SPATA17: variants seen among roughly 807,000 people sequenced by gnomAD.
The protein encoded by SPATA17 is spermatogenesis-associated protein 17.
Under a neutral mutation model 62.2 loss-of-function variants are expected in SPATA17, and 53 were observed. The observed-to-expected ratio is 0.85, with a 90% confidence interval of 0.68 to 1.07. The LOEUF (loss-of-function observed/expected upper bound fraction) is 1.07, where lower values mean the gene tolerates loss of function less well. Ranked by LOEUF, SPATA17 falls within the 50% of genes least tolerant of loss-of-function variation. The pLI, the probability that SPATA17 is intolerant of heterozygous loss-of-function variation, is 0.00. For synonymous variants in SPATA17, 146 were observed against 146.8 expected, an observed-to-expected ratio of 0.99 and a Z score of 0.04; for missense variants, 466 against 425.5, an observed-to-expected ratio of 1.10 and a Z score of -0.84.
chr1:217,665,966 A>T (rs570705067), intron 3 of SPATA17, among the ~76,000 whole-genome samples: 4 of 152,176 alleles, frequency 2.6e-5, no homozygotes, highest in Admixed American at 6.5e-5. Flanking sequence ...ATCCTATCTG[A>T]TGTAAATGCA....
At chr1:217,863,609 G>C (rs1278693560) in intron 10 of SPATA17, among the ~76,000 whole-genome samples, 1 of 151,902 alleles carries the variant, frequency 6.6e-6, no homozygotes, top group African/African-American at 2.4e-5. Flanking sequence ...CAAAGAAATG[G>C]AATATAGAAT....
intron 3 of SPATA17, 123 bp downstream of exon 3, chr1:217,651,301 A>C: frequency 1.5e-6 from 1 of 677,434 alleles, no homozygotes. Flanking sequence ...TAAGGACAAA[A>C]TTGGGCTTAA....
chr1:217,851,160 CAATCAG>C (rs1456721279), intron 9 of SPATA17, among the ~76,000 whole-genome samples: 1 of 152,028 alleles, frequency 6.6e-6, no homozygotes, highest in African/African-American at 2.4e-5. Context: ...GTGTCAGCAG[CAATCAG>C]TTTATCTTAT....
chr1:217,632,224 A>C (rs139515920), intron 1 of SPATA17, among the ~76,000 whole-genome samples: 1 of 152,200 alleles, frequency 6.6e-6, no homozygotes, highest in African/African-American at 2.4e-5. Flanking sequence ...AAATAAAATG[A>C]AAGTGTCTAA....
chr1:217,767,945 T>C (rs2102967754), intron 6 of SPATA17, among the ~76,000 whole-genome samples: 1 of 152,294 alleles, frequency 6.6e-6, no homozygotes, highest in South Asian at 2.1e-4. Context: ...TTTCTGAATT[T>C]ACCTTTTAAA....
chr1:217,865,095 G>T (rs116315947), intron 10 of SPATA17, among the ~76,000 whole-genome samples: 16 of 152,248 alleles, frequency 1.1e-4, no homozygotes, highest in African/African-American at 3.4e-4. Context: ...AGCAGCCTTA[G>T]CTGAGGCTCT....
chr1:217,770,863 T>A (rs934882949), intron 6 of SPATA17, among the ~76,000 whole-genome samples: 1 of 152,002 alleles, frequency 6.6e-6, no homozygotes, highest in African/African-American at 2.4e-5. Context: ...ATGGTACGTT[T>A]GCTCGTTGCT....
At chr1:217,723,835 C>G (rs1672196439) in intron 5 of SPATA17, among the ~76,000 whole-genome samples, 1 of 152,150 alleles carries the variant, frequency 6.6e-6, no homozygotes, top group Middle Eastern at 3.2e-3. Flanking sequence ...TACTGCATAA[C>G]AGGAGTTAGA....
At chr1:217,824,736 A>G (rs1674947028) in intron 9 of SPATA17, among the ~76,000 whole-genome samples, 1 of 150,986 alleles carries the variant, frequency 6.6e-6, no homozygotes, top group Non-Finnish European at 1.5e-5. Flanking sequence ...AATTCATTAA[A>G]ATTAAGGAAA....
intron 5 of SPATA17, among the ~76,000 whole-genome samples, chr1:217,722,934 G>A (rs1558580072): frequency 6.6e-6 from 1 of 152,088 alleles, no homozygotes; most frequent in Non-Finnish European, 1.5e-5. Context: ...CAGTCATTGC[G>A]CACACTCATG....
chr1:217,634,991 C>G (rs1056221156), intron 1 of SPATA17, among the ~76,000 whole-genome samples: 4 of 151,980 alleles, frequency 2.6e-5, no homozygotes, highest in Non-Finnish European at 5.9e-5. Context: ...ATGAGATTTT[C>G]TTTGTGACTT....
chr1:217,803,289 G>A (rs1250673498), intron 9 of SPATA17, among the ~76,000 whole-genome samples: 1 of 152,082 alleles, frequency 6.6e-6, no homozygotes, highest in African/African-American at 2.4e-5. Context: ...GAGAAAGAAA[G>A]AAAAGGCATC....
At chr1:217,852,111 G>A (rs1486593517) in intron 9 of SPATA17, among the ~76,000 whole-genome samples, 2 of 152,096 alleles carry the variant, frequency 1.3e-5, no homozygotes, top group African/African-American at 2.4e-5. Context: ...CTTGGAGAAC[G>A]ATCACTTTTC....
At chr1:217,801,278 A>G (rs1040935820) in intron 8 of SPATA17, among the ~76,000 whole-genome samples, 6 of 152,202 alleles carry the variant, frequency 3.9e-5, no homozygotes, top group Non-Finnish European at 8.8e-5. Context: ...ACCACTACCA[A>G]TAATGCCACC....
chr1:217,703,114 A>G (rs1460944364), intron 5 of SPATA17, among the ~76,000 whole-genome samples: 1 of 149,032 alleles, frequency 6.7e-6, no homozygotes, highest in African/African-American at 2.5e-5. Context: ...AAACTCAGTG[A>G]TACACCCGCC....
chr1:217,664,400 C>T (rs891515353), intron 3 of SPATA17, among the ~76,000 whole-genome samples: 2 of 149,390 alleles, frequency 1.3e-5, no homozygotes. Context: ...AGCAATTCTC[C>T]TGTCTCAGCC....
intron 3 of SPATA17, among the ~76,000 whole-genome samples, chr1:217,654,331 G>T (rs115809528): frequency 1.3e-5 from 2 of 151,604 alleles, no homozygotes; most frequent in Non-Finnish European, 2.9e-5. Context: ...GTATAGACAG[G>T]GTTTCTCCCT....
At chr1:217,708,745 G>T (rs2102924894) in intron 5 of SPATA17, among the ~76,000 whole-genome samples, 1 of 151,944 alleles carries the variant, frequency 6.6e-6, no homozygotes, top group Non-Finnish European at 1.5e-5. Flanking sequence ...AAAACTTCAG[G>T]CCGATATCCT....
chr1:217,840,593 C>T (rs934633130), intron 9 of SPATA17, among the ~76,000 whole-genome samples: 1 of 152,000 alleles, frequency 6.6e-6, no homozygotes, highest in Non-Finnish European at 1.5e-5. Flanking sequence ...ACGCCTGGCT[C>T]ATGCCTGTAA....
Sources: gnomAD v4.1 joint callset for allele counts (sites outside exome capture counted in the v4.1 genomes callset) on GRCh38, gnomAD v4.1.1 for gene constraint, MANE v1.5 for transcripts, NCBI Gene and HGNC (gene_info 2026-07-23, HGNC 2026-07-21) for gene names.